Variants in RBFOX3 observed in about 807,000 individuals in gnomAD.
RBFOX3 encodes RNA binding fox-1 homolog 3.
Under a neutral mutation model 48.7 loss-of-function variants are expected in RBFOX3, and 17 were observed. That is an observed-to-expected ratio of 0.35 (90% confidence interval 0.24 to 0.52). The LOEUF is 0.52. Ranked by LOEUF, RBFOX3 falls within the 20% of genes least tolerant of loss-of-function variation. The probability of loss-of-function intolerance (pLI) is 0.94; values close to 1 mark genes in which losing one functional copy is unlikely to be tolerated. For missense variants in RBFOX3, 382 were observed against 497.5 expected (o/e 0.77, Z 2.21); for synonymous variants, 212 against 209.5 (o/e 1.01, Z -0.10).
chr17:79,122,222 G>A (rs989425256), intron 4 of RBFOX3, among the ~76,000 whole-genome samples: 18 of 152,096 alleles, frequency 1.2e-4, no homozygotes, highest in African/African-American at 1.9e-4. Flanking sequence ...CACCTTGGTC[G>A]GGCCGCCATC....
At chr17:79,388,895 C>T (rs951244008) in intron 2 of RBFOX3, among the ~76,000 whole-genome samples, 7 of 152,238 alleles carry the variant, frequency 4.6e-5, no homozygotes, top group African/African-American at 1.4e-4. Flanking sequence ...CCTCTCCCAG[C>T]GGCAGGGAAC....
chr17:79,156,459 G>A (rs892566558), intron 4 of RBFOX3, among the ~76,000 whole-genome samples: 13 of 152,122 alleles, frequency 8.5e-5, no homozygotes, highest in African/African-American at 2.2e-4. Context: ...GGAGAACCTC[G>A]CCTGAGCTGC....
At chr17:79,281,321 C>T (rs1424038956) in intron 3 of RBFOX3, among the ~76,000 whole-genome samples, 1 of 151,576 alleles carries the variant, frequency 6.6e-6, no homozygotes, top group Non-Finnish European at 1.5e-5. Flanking sequence ...TGCCTTGGGG[C>T]TGGAAGGAGC....
intron 2 of RBFOX3, among the ~76,000 whole-genome samples, chr17:79,368,048 A>G (rs1399364175): frequency 6.6e-6 from 1 of 152,196 alleles, no homozygotes; most frequent in Non-Finnish European, 1.5e-5. Context: ...GTTAGTCCCA[A>G]TGGGATTTGC....
intron 4 of RBFOX3, among the ~76,000 whole-genome samples, chr17:79,229,611 G>A (rs1279635480): frequency 1.3e-5 from 2 of 151,558 alleles, no homozygotes; most frequent in African/African-American, 4.9e-5. Flanking sequence ...GGCCAGGAAG[G>A]GTGGAGTCCT....
At chr17:79,379,972 T>C (rs987543924) in intron 2 of RBFOX3, among the ~76,000 whole-genome samples, 3 of 152,132 alleles carry the variant, frequency 2.0e-5, no homozygotes, top group Admixed American at 6.5e-5. Flanking sequence ...TCCCTCCCTG[T>C]CCGCACATCC....
At position 79,199,857 on chromosome 17, in the gene RBFOX3, A is replaced by G. The variant is rs1295888670; in HGVS notation, c.-34+35909T>C. 6.6e-6 allele frequency among the ~76,000 whole-genome samples: 1 copy of G among 152,104 alleles called. No individual in the cohort carries two copies. The highest frequency in any genetic ancestry group is 1.9e-4 in the East Asian group (1 of 5,180). On this transcript the variant is annotated intron_variant, in intron 4 of 14. Transcript: ENST00000693108. This position sits in a 1 kb window ranked among gnomAD's most constrained non-coding sequence, Gnocchi z 5.1. ...AAGCTTCCCACATCTCAGTTTCCTT[A>G]TCTATAAAATGGGGAGAAAAGGGCC...
chr17:79,342,003 C>T (rs1598324742), intron 2 of RBFOX3, among the ~76,000 whole-genome samples: 1 of 152,350 alleles, frequency 6.6e-6, no homozygotes, highest in South Asian at 2.1e-4. Context: ...CCATGGCTGG[C>T]CCCCTCCCCG....
chr17:79,445,564 C>G (rs1370494079), intron 2 of RBFOX3, among the ~76,000 whole-genome samples: 1 of 152,204 alleles, frequency 6.6e-6, no homozygotes, highest in Non-Finnish European at 1.5e-5. Flanking sequence ...CATCTCTCCC[C>G]ACACCCTCCT....
chr17:79,530,495 C>T (rs964578055), intron 1 of RBFOX3, among the ~76,000 whole-genome samples: 2 of 152,158 alleles, frequency 1.3e-5, no homozygotes, highest in Non-Finnish European at 2.9e-5. Context: ...CCGGGGCCAA[C>T]TGATGGTAGT....
In RBFOX3 at chr17:79,097,428, C is replaced by A. The variant is rs547643968; in HGVS notation, c.623-4G>T. On this transcript the variant is annotated splice_polypyrimidine_tract_variant and splice_region_variant and intron_variant, in intron 10 of 14. Coordinates refer to ENST00000693108, the MANE Select transcript of RBFOX3 (RefSeq NM_001350451.2). Reference sequence around the variant, plus strand: ...GTGGGGTAGGGGAACCCCGTCACTGCAGGAAACGGGGCCCGAGACACGTGT... The same window carrying A: ...GTGGGGTAGGGGAACCCCGTCACTGAAGGAAACGGGGCCCGAGACACGTGT... The A allele has an allele frequency of 1.1e-3, 1,716 of 1,542,928 alleles. 7 individuals are homozygous for A. Among genetic ancestry groups the A allele is most frequent in the Non-Finnish European group, 9.4e-4 (1,075 of 1,142,980 alleles).
chr17:79,475,462 C>T (rs1366149881), intron 2 of RBFOX3, among the ~76,000 whole-genome samples: 1 of 152,150 alleles, frequency 6.6e-6, no homozygotes, highest in Non-Finnish European at 1.5e-5. Flanking sequence ...TCATCTTCCT[C>T]CCTGGCAGCC....
At chr17:79,437,226 A>G (rs1230023765) in intron 2 of RBFOX3, among the ~76,000 whole-genome samples, 1 of 152,064 alleles carries the variant, frequency 6.6e-6, no homozygotes, top group African/African-American at 2.4e-5. Context: ...CCCATCCCCA[A>G]GCCCCAGAGG....
the RBFOX3 span, among the ~76,000 whole-genome samples, chr17:79,629,811 G>A: frequency 1.3e-5 from 2 of 152,134 alleles, no homozygotes; most frequent in African/African-American, 4.8e-5. Context: ...AAATCCTATT[G>A]TAGAAGAATA....
chr17:79,497,472 T>C (rs931135881), intron 1 of RBFOX3, among the ~76,000 whole-genome samples: 3 of 152,088 alleles, frequency 2.0e-5, no homozygotes, highest in Admixed American at 6.5e-5. Flanking sequence ...ATCAATGTAA[T>C]GATAAGGAAA....
intron 2 of RBFOX3, among the ~76,000 whole-genome samples, chr17:79,365,795 G>T (rs1228644144): frequency 6.6e-6 from 1 of 152,224 alleles, no homozygotes; most frequent in Non-Finnish European, 1.5e-5. Context: ...AAAGAGGGCA[G>T]GGGCAGGCAC....
chr17:79,623,872 G>A, the RBFOX3 span, among the ~76,000 whole-genome samples: 1 of 150,914 alleles, frequency 6.6e-6, no homozygotes, highest in Non-Finnish European at 1.5e-5. Context: ...CGGTGTCAGA[G>A]ACAATGTGAT....
intron 2 of RBFOX3, among the ~76,000 whole-genome samples, chr17:79,474,923 C>T (rs1237442454): frequency 6.6e-6 from 1 of 152,170 alleles, no homozygotes; most frequent in Non-Finnish European, 1.5e-5. Context: ...TTCATTCCTT[C>T]CACACCTCAA....
At chr17:79,345,662 T>A (rs1430045596) in intron 2 of RBFOX3, among the ~76,000 whole-genome samples, 2 of 152,244 alleles carry the variant, frequency 1.3e-5, no homozygotes, top group Non-Finnish European at 2.9e-5. Flanking sequence ...TCTTTTGGGA[T>A]GTTTTATACT....
Sources: allele counts gnomAD v4.1 joint callset (sites outside exome capture counted in the v4.1 genomes callset), GRCh38; gene constraint gnomAD v4.1.1; non-coding constraint Gnocchi (gnomAD v3.1); transcripts MANE v1.5; gene names NCBI Gene and HGNC (gene_info 2026-07-23, HGNC 2026-07-21).